The following GRAMD1B variants were observed in gnomAD, a reference collection of about 807,000 sequenced individuals.
GRAMD1B encodes the protein protein Aster-B.
In GRAMD1B, 37 loss-of-function variants were observed where a neutral mutation model predicts 99.7. The observed-to-expected ratio is 0.37, with a 90% CI of 0.29 to 0.49. GRAMD1B has a LOEUF of 0.49. GRAMD1B is among the 20% of genes least tolerant of loss of function. GRAMD1B has a pLI of 0.98. For synonymous variants in GRAMD1B, 427 were observed against 387.6 expected, an observed-to-expected ratio of 1.10 and a Z score of -1.19; for missense variants, 888 against 1,009.2, an observed-to-expected ratio of 0.88 and a Z score of 1.63.
chr11:123,562,309 A>G lies in GRAMD1B; in HGVS notation c.453-15058A>G, dbSNP rs554737003. 1.6e-3 allele frequency among the ~76,000 whole-genome samples: 245 copies of G among 152,246 alleles called. 1 individual carries two copies. The highest frequency in any genetic ancestry group is 5.4e-3 in the African/African-American group (225 of 41,546). ...AGCAAGCCTGCAGCCCTTTCTCCCAATGGTTGGGACGCAGGCACCCTCCCC... is the reference window on the plus strand; with the variant it reads ...AGCAAGCCTGCAGCCCTTTCTCCCAGTGGTTGGGACGCAGGCACCCTCCCC... On this transcript the variant is annotated intron_variant, in intron 2 of 19. Transcript: ENST00000635736.
intron 2 of GRAMD1B, among the ~76,000 whole-genome samples, chr11:123,486,112 G>A (rs578073640): frequency 3.3e-5 from 5 of 152,196 alleles, no homozygotes; most frequent in Admixed American, 2.0e-4. Flanking sequence ...GGATTTTCTT[G>A]TAAAGAATAC....
At chr11:123,556,693 A>G (rs1946217050) in intron 2 of GRAMD1B, among the ~76,000 whole-genome samples, 1 of 152,230 alleles carries the variant, frequency 6.6e-6, no homozygotes, top group Admixed American at 6.5e-5. Flanking sequence ...TCCTAAATTC[A>G]TTTACAGAAA....
chr11:123,502,366 G>A (rs1939950258), intron 2 of GRAMD1B, among the ~76,000 whole-genome samples: 1 of 152,140 alleles, frequency 6.6e-6, no homozygotes, highest in Admixed American at 6.5e-5. Flanking sequence ...ACCATAAAAA[G>A]GCCAGGCAAT....
intron 2 of GRAMD1B, among the ~76,000 whole-genome samples, chr11:123,568,655 C>G (rs778037121): frequency 2.6e-5 from 4 of 152,222 alleles, no homozygotes; most frequent in Non-Finnish European, 4.4e-5. Flanking sequence ...CCCTTTCTGT[C>G]CCTTGCTGAA....
chr11:123,389,440 C>T (rs938713821), intron 1 of GRAMD1B, among the ~76,000 whole-genome samples: 1 of 151,758 alleles, frequency 6.6e-6, no homozygotes, highest in African/African-American at 2.4e-5. Flanking sequence ...GACCAGTACT[C>T]TTCAAAACTG....
At position 123,597,005 on chromosome 11, in the gene GRAMD1B, T is replaced by C. The variant is rs560197842; in HGVS notation, c.969+968T>C. 4.1e-4 allele frequency among the ~76,000 whole-genome samples: 62 copies of C among 152,246 alleles called. No individual in the cohort carries two copies. In the South Asian group the frequency reaches 0.012, roughly 29 times the overall value. ...TACTTTTACAGTCATAGGGATCTTG[T>C]AGAAGAAACAGGTAGACAGACCCAT... is the stretch of plus-strand genomic sequence containing the variant. On this transcript the variant is annotated intron_variant, in intron 7 of 19. Transcript: ENST00000635736.
Position 123,625,962 on chromosome 11 carries a change from G to GAGAA in GRAMD1B, c.*3370_*3371insAAGA, listed in dbSNP as rs1955483253. 1 of 146,176 alleles carries GAGAA rather than the reference G, an allele frequency of 6.8e-6. No homozygotes were observed. The highest frequency in any genetic ancestry group is 2.4e-5 in the African/African-American group (1 of 40,838). 9.1% of individuals were successfully genotyped at this position (146,176 alleles called of 1,614,324 possible). ...AGAGAGAGAGAGAGAGAGAGAGAGAGAGAGAGAGAGAGAGAGAGATCGAGC... is the reference window on the plus strand; with the variant it reads ...AGAGAGAGAGAGAGAGAGAGAGAGAGAGAAAGAGAGAGAGAGAGAGAGATCGAGC... On this transcript the variant is annotated 3_prime_UTR_variant, in exon 20 of 20. Coordinates refer to ENST00000635736, the MANE Select transcript of GRAMD1B (RefSeq NM_001387025.1).
rs1474336967 is a variant in GRAMD1B at position 123,417,296 on chromosome 11, C to A, written c.-176+58497C>A. Among the ~76,000 whole-genome samples the A allele has an allele frequency of 2.6e-5, 4 of 152,150 alleles. No individual in the cohort carries two copies. In the South Asian group the frequency reaches 6.2e-4, roughly 24 times the overall value. ...ACTGAGGCAGGAGAATCACTTTAAC[C>A]TGGGAGGCAGAGGTTGCGGTGAGCT... On this transcript the variant is annotated intron_variant, in intron 1 of 20. Coordinates refer to the GRAMD1B transcript ENST00000638157.
intron 2 of GRAMD1B, among the ~76,000 whole-genome samples, chr11:123,541,225 C>T (rs943729884): frequency 2.0e-5 from 3 of 152,110 alleles, no homozygotes; most frequent in Non-Finnish European, 2.9e-5. Flanking sequence ...ATCCACCTGC[C>T]TCGGTGTCCC....
chr11:123,620,660 C>G (rs1327553673), intron 19 of GRAMD1B, among the ~76,000 whole-genome samples: 1 of 152,090 alleles, frequency 6.6e-6, no homozygotes. Flanking sequence ...GAATTGAAGA[C>G]AAACCCAGGA....
At chr11:123,573,970 A>G (rs1948438294) in intron 2 of GRAMD1B, among the ~76,000 whole-genome samples, 1 of 151,890 alleles carries the variant, frequency 6.6e-6, no homozygotes, top group African/African-American at 2.4e-5. Context: ...GGTCCTTCAT[A>G]CCAGGCTATG....
chr11:123,603,480 T>C lies in GRAMD1B; in HGVS notation c.1105T>C (p.Leu369=), dbSNP rs1255401610. Residue 369 remains leucine, a synonymous_variant, in exon 9 of 20, where the codon TTG becomes CTG. Transcript: ENST00000635736. ...TGTTCACCAGTGCTATGGGAACGAA[T>C]TGGGCCTGACCAGTGATGACGAGGA... The part of the protein sequence containing the change: ...HFVHQCYGNE[L]GLTSDDEDYV... 6.2e-7 allele frequency: 1 copy of C among 1,613,896 alleles called. No homozygotes were observed. Among genetic ancestry groups the C allele is most frequent in the African/African-American group, 1.3e-5 (1 of 75,068 alleles).
intron 1 of GRAMD1B, among the ~76,000 whole-genome samples, chr11:123,412,771 A>T (rs59437754): frequency 0.39 from 58,745 of 151,802 alleles, 13,472 homozygotes; most frequent in African/African-American, 0.65. Flanking sequence ...TCATTTTTTA[A>T]TAAAAAAAAA....
chr11:123,577,296 G>A lies in GRAMD1B; in HGVS notation c.453-71G>A, dbSNP rs567108762. 19 of 1,324,468 alleles carry A rather than the reference G, an allele frequency of 1.4e-5. No individual in the cohort carries two copies. The African/African-American group carries it at 2.5e-4, about 17-fold the overall frequency. 82.0% of individuals were successfully genotyped at this position (1,324,468 alleles called of 1,614,324 possible). A position where few individuals can be genotyped will look rare whatever the true frequency, so the allele number is the denominator to read the frequency against. Reference sequence around the variant, plus strand: ...CTCCTTTGGGCTTGTCCTTGGCCTCGATCACTGACTGCCTGCCTTTCCTCC... The same window carrying A: ...CTCCTTTGGGCTTGTCCTTGGCCTCAATCACTGACTGCCTGCCTTTCCTCC... On this transcript the variant is annotated intron_variant, in intron 2 of 19. Coordinates refer to ENST00000635736, the MANE Select transcript of GRAMD1B (RefSeq NM_001387025.1).
chr11:123,401,553 G>A (rs1947662400), intron 1 of GRAMD1B, among the ~76,000 whole-genome samples: 1 of 152,196 alleles, frequency 6.6e-6, no homozygotes, highest in Admixed American at 6.5e-5. Context: ...TGCTGTAAGA[G>A]GCTCCTCCAT....
chr11:123,479,932 C>T (rs1405228084), intron 1 of GRAMD1B, among the ~76,000 whole-genome samples: 1 of 152,078 alleles, frequency 6.6e-6, no homozygotes, highest in East Asian at 1.9e-4. Flanking sequence ...GCTCACGGGG[C>T]TGAGCAAAAA....
intron 1 of GRAMD1B, among the ~76,000 whole-genome samples, chr11:123,457,335 C>G (rs1043451262): frequency 1.3e-5 from 2 of 152,132 alleles, no homozygotes; most frequent in Non-Finnish European, 2.9e-5. Context: ...CTCTAAACCA[C>G]GTTTGTTCTT....
At chr11:123,472,685 A>T (rs1284799381) in intron 1 of GRAMD1B, among the ~76,000 whole-genome samples, 3 of 152,216 alleles carry the variant, frequency 2.0e-5, no homozygotes, top group African/African-American at 4.8e-5. Flanking sequence ...TGATTTATAT[A>T]GGGCTCACAG....
chr11:123,516,086 G>C (rs972138484), intron 2 of GRAMD1B, among the ~76,000 whole-genome samples: 2 of 152,052 alleles, frequency 1.3e-5, no homozygotes, highest in African/African-American at 4.8e-5. Flanking sequence ...TTAACCTTTT[G>C]GTGTTTACCA....
Sources: allele counts gnomAD v4.1 joint callset (sites outside exome capture counted in the v4.1 genomes callset), GRCh38; gene constraint gnomAD v4.1.1; transcripts MANE v1.5; gene names NCBI Gene and HGNC (gene_info 2026-07-23, HGNC 2026-07-21).